Variants in PELP1 observed in about 807,000 individuals in gnomAD.
PELP1 encodes proline-, glutamic acid- and leucine-rich protein 1.
In PELP1, 32 loss-of-function variants were observed where a neutral mutation model predicts 95.5. The ratio of observed to expected loss-of-function variants is 0.34; its 90% confidence interval spans 0.25 to 0.45. The LOEUF is 0.45. PELP1 is among the 20% of genes least tolerant of loss of function. The pLI is 1.00. For synonymous variants in PELP1, 668 were observed against 600.1 expected, an observed-to-expected ratio of 1.11 and a Z score of -1.65; for missense variants, 1,358 against 1,444.8, an observed-to-expected ratio of 0.94 and a Z score of 0.97.
chr17:4,684,627 C>A (rs1054286596), intron 3 of PELP1, among the ~76,000 whole-genome samples: 2 of 6,332 alleles, frequency 3.2e-4, no homozygotes, highest in African/African-American at 3.4e-4. Context: ...GTCCCCACCA[C>A]ATGACTCTTC....
At chr17:4,696,772 A>C (rs1047364937) in intron 1 of PELP1, 1 of 152,216 alleles carries the variant, frequency 6.6e-6, no homozygotes, top group African/African-American at 2.4e-5. Context: ...GTGAAGGTAG[A>C]GCCAACGGGA....
intron 1 of PELP1, among the ~76,000 whole-genome samples, chr17:4,701,910 C>A (rs2150568439): frequency 6.6e-6 from 1 of 152,208 alleles, no homozygotes; most frequent in South Asian, 2.1e-4. Context: ...AAACAAGTAG[C>A]ACAGGAAATA....
Position 4,674,815 on chromosome 17 carries a change from G to C in PELP1, c.1416C>G (p.Ala472=). The C allele has an allele frequency of 6.2e-7, 1 of 1,611,624 alleles. No individual in the cohort carries two copies. The highest frequency in any genetic ancestry group is 2.2e-5 in the East Asian group (1 of 44,844). The stretch of plus-strand genomic sequence containing the variant: ...GGAGCTGAGGCCTCCTCACCTTAAG[G>C]GCATCAGCTGGCGGGGAGATGTCGC... ...LLSDISPPAD[A]LKLRSPRGSP... Residue 472 remains alanine, a synonymous_variant, in exon 12 of 17, where the codon GCC becomes GCG. Transcript: ENST00000572293.
At chr17:4,677,240 A>C (rs923606785) in intron 5 of PELP1, among the ~76,000 whole-genome samples, 2 of 152,174 alleles carry the variant, frequency 1.3e-5, no homozygotes, top group Non-Finnish European at 2.9e-5. Context: ...GTCAAAAAAG[A>C]AGGCTGCTAG....
intron 16 of PELP1, 54 bp from the exon 17 acceptor site, chr17:4,671,585 G>A: frequency 1.9e-6 from 3 of 1,608,976 alleles, no homozygotes; most frequent in East Asian, 2.2e-5. Flanking sequence ...ATACACAGAA[G>A]AATGGTTCAG....
chr17:4,670,884 T>C lies in PELP1; in HGVS notation c.*555A>G, dbSNP rs1912169509. The stretch of plus-strand genomic sequence containing the variant: ...CAGAGGTCATTCCCAACGTACCCAC[T>C]ACGGACACCCTTTCATCTTGGGGTA... On this transcript the variant is annotated 3_prime_UTR_variant, in exon 17 of 17. Transcript: ENST00000572293. 1 of 155,762 alleles carries C rather than the reference T, an allele frequency of 6.4e-6. No individual in the cohort carries two copies. Among genetic ancestry groups the C allele is most frequent in the Non-Finnish European group, 1.4e-5 (1 of 70,694 alleles). 9.6% of individuals were successfully genotyped at this position (155,762 alleles called of 1,614,324 possible). A position where few individuals can be genotyped will look rare whatever the true frequency, so the allele number is the denominator to read the frequency against.
intron 1 of PELP1, among the ~76,000 whole-genome samples, chr17:4,699,275 G>C (rs1913426104): frequency 6.6e-6 from 1 of 152,052 alleles, no homozygotes; most frequent in Non-Finnish European, 1.5e-5. Context: ...GCTACTTTGG[G>C]AGGCTGAGAC....
Position 4,673,500 on chromosome 17 carries a change from C to G in PELP1, c.1639-44G>C. The G allele has an allele frequency of 6.4e-7, 1 of 1,566,322 alleles. No individual in the cohort carries two copies. The highest frequency in any genetic ancestry group is 8.7e-7 in the Non-Finnish European group (1 of 1,143,890). ...ACCTGGAAACATCCCCAAGACCACCCAACCCTTCTCCAGAGCCTACTCCCA... is the reference window on the plus strand; with the variant it reads ...ACCTGGAAACATCCCCAAGACCACCGAACCCTTCTCCAGAGCCTACTCCCA... On this transcript the variant is annotated intron_variant, in intron 14 of 16. Coordinates refer to ENST00000572293, the MANE Select transcript of PELP1 (RefSeq NM_014389.3). The surrounding 1 kb of genome is among the most constrained non-coding windows in gnomAD (Gnocchi z 5.7).
In PELP1 at chr17:4,672,135, C is replaced by T. The variant is rs1325709809; in HGVS notation, c.2856G>A (p.Glu952=). The T allele has an allele frequency of 2.6e-6, 4 of 1,552,136 alleles. No individual in the cohort carries two copies. The highest frequency in any genetic ancestry group is 3.5e-6 in the Non-Finnish European group (4 of 1,147,428). The change falls in exon 16 of 17, where the codon GAG becomes GAA. Residue 952 remains glutamate (E), a synonymous_variant. Transcript: ENST00000572293. ...LEEEEEEEDE[E]EEEELEEVED... is the part of the protein sequence containing the mutation. ...CCACCTCTTCCAGTTCTTCTTCCTCCTCCTCATCCTCCTCTTCTTCTTCTT... is the reference window on the plus strand; with the variant it reads ...CCACCTCTTCCAGTTCTTCTTCCTCTTCCTCATCCTCCTCTTCTTCTTCTT...
At position 4,675,877 on chromosome 17, in the gene PELP1, A is replaced by C. The variant is rs1912446780; in HGVS notation, c.988T>G (p.Phe330Val). ...RCLGLMLSSEFGAPVSVPVQE... is the reference protein window; with the variant it reads ...RCLGLMLSSEVGAPVSVPVQE... ...ACAGGGACGGACACGGGAGCTCCAA[A>C]CTCAGAGCTAAAGAGAATCAGAGCA... Residue 330 changes from phenylalanine (F) to valine (V), a missense_variant, in exon 9 of 17, where the codon TTT (phenylalanine) becomes GTT (valine). By Grantham distance (50) the Phe-to-Val change is conservative (BLOSUM62 -1). This residue lies in a region of PELP1 where 538 missense variants were observed against 628.1 expected (regional missense o/e 0.86). Transcript: ENST00000572293. This position sits in a 1 kb window ranked among gnomAD's most constrained non-coding sequence, Gnocchi z 4.3. 6.3e-7 allele frequency: 1 copy of C among 1,591,026 alleles called. No homozygotes were observed. Among genetic ancestry groups the C allele is most frequent in the Non-Finnish European group, 8.6e-7 (1 of 1,168,658 alleles).
Position 4,673,391 on chromosome 17 carries a change from G to A in PELP1, c.1704C>T (p.Ser568=). The change falls in exon 15 of 17, where the codon TCC becomes TCT. Residue 568 remains serine (S), a synonymous_variant. Transcript: ENST00000572293. This position sits in a 1 kb window ranked among gnomAD's most constrained non-coding sequence, Gnocchi z 5.7. ...GVQQGEVLGS[S]PYTSSRCRRE... is the part of the protein sequence containing the mutation. ...GGCGGCAGCGGGAGCTCGTGTACGGGGAGCTGCCTAGGACCTCACCCTGCT... is the reference window on the plus strand; with the variant it reads ...GGCGGCAGCGGGAGCTCGTGTACGGAGAGCTGCCTAGGACCTCACCCTGCT... 6.3e-7 allele frequency: 1 copy of A among 1,597,578 alleles called. No homozygotes were observed. The highest frequency in any genetic ancestry group is 2.3e-5 in the East Asian group (1 of 44,000).
intron 11 of PELP1, 42 bp from the exon 12 acceptor site, chr17:4,674,998 A>G: frequency 1.2e-6 from 2 of 1,605,728 alleles, no homozygotes; most frequent in Non-Finnish European, 1.7e-6. Context: ...TGGGGGGTCA[A>G]CATGCCAGAA....
chr17:4,671,495 T>C lies in PELP1; in HGVS notation c.3337A>G (p.Ile1113Val). The C allele has an allele frequency of 6.2e-7, 1 of 1,613,544 alleles. No individual in the cohort carries two copies. The highest frequency in any genetic ancestry group is 1.6e-4 in the Middle Eastern group (1 of 6,062). ...TTCTCATCATCAGGGGGACAATCGATGAAGTCGGCCAGCATGGCAGCTGTG... is the reference window on the plus strand; with the variant it reads ...TTCTCATCATCAGGGGGACAATCGACGAAGTCGGCCAGCATGGCAGCTGTG... ...DDTAAMLADF[I>V]DCPPDDEKPP... is the part of the protein sequence containing the mutation. Residue 1113 changes from isoleucine (I) to valine (V), a missense_variant, in exon 17 of 17, where the codon ATC becomes GTC. Ile to Val is a conservative substitution (Grantham distance 29). This residue lies in a region of PELP1 where 283 missense variants were observed against 284.1 expected (regional missense o/e 1.00). Coordinates refer to ENST00000572293, the MANE Select transcript of PELP1 (RefSeq NM_014389.3).
intron 7 of PELP1, 47 bp from the exon 8 acceptor site, chr17:4,676,209 T>C (rs1447004774): frequency 1.9e-6 from 3 of 1,603,570 alleles, no homozygotes; most frequent in Non-Finnish European, 2.6e-6. Context: ...TTCCATCCCC[T>C]CCTCTGTCAT....
chr17:4,690,404 G>A (rs1311116532), intron 3 of PELP1, among the ~76,000 whole-genome samples: 1 of 152,002 alleles, frequency 6.6e-6, no homozygotes, highest in Admixed American at 6.6e-5. Flanking sequence ...AACACCACCT[G>A]TTCCCCAAAA....
At position 4,672,790 on chromosome 17, in the gene PELP1, G is replaced by A. The variant is rs1912281335; in HGVS notation, c.2201C>T (p.Ser734Leu). The change falls in exon 16 of 17, where the codon TCA (serine) becomes TTA (leucine). Residue 734 changes from serine (S) to leucine (L), a missense_variant. Physicochemically the swap from Ser to Leu is moderately radical, Grantham distance 145 (BLOSUM62 -2). This residue lies in a region of PELP1 where 340 missense variants were observed against 322.9 expected (regional missense o/e 1.05). Transcript: ENST00000572293. ...LPGPENHRAGSNEDPILAPSG... is the reference protein window; with the variant it reads ...LPGPENHRAGLNEDPILAPSG... ...AGGGGCAAGGATGGGGTCCTCATTT[G>A]AGCCTGCCCGGTGGTTCTCAGGGCC... The A allele has an allele frequency of 6.2e-7, 1 of 1,613,802 alleles. No homozygotes were observed. Among genetic ancestry groups the A allele is most frequent in the Admixed American group, 1.7e-5 (1 of 59,992 alleles).
Position 4,671,460 on chromosome 17 carries a change from A to G in PELP1, c.3372T>C (p.Pro1124=), listed in dbSNP as rs749173002. ...ATGGCTAGGAGTCAGGCTCTGTGGGAGGTGGTGGCTTCTCATCATCAGGGG... is the reference window on the plus strand; with the variant it reads ...ATGGCTAGGAGTCAGGCTCTGTGGGGGGTGGTGGCTTCTCATCATCAGGGG... ...DCPPDDEKPP[P]PTEPDS Residue 1124 remains proline, a synonymous_variant, in exon 17 of 17, where the codon CCT becomes CCC. Transcript: ENST00000572293. 1.3e-5 allele frequency: 20 copies of G among 1,565,252 alleles called. No homozygotes were observed. The East Asian group carries it at 3.8e-4, about 30-fold the overall frequency.
intron 5 of PELP1, among the ~76,000 whole-genome samples, chr17:4,681,597 C>T (rs188971494): frequency 5.3e-5 from 8 of 151,800 alleles, no homozygotes; most frequent in East Asian, 1.9e-4. Context: ...GTCAAGAGAT[C>T]GAGACCATCC....
In PELP1 at chr17:4,703,835, G is replaced by A. The variant is rs1245582532; in HGVS notation, c.249+28C>T. ...GGTGCCGCGCCATCCTCCCCACAGG[G>A]CCGCGGGCACGCGGGCCACGGACTC... On this transcript the variant is annotated intron_variant, in intron 1 of 16. Coordinates refer to ENST00000572293, the MANE Select transcript of PELP1 (RefSeq NM_014389.3). The A allele has an allele frequency of 2.5e-6, 4 of 1,586,766 alleles. No homozygotes were observed. The African/African-American group carries it at 5.4e-5, about 21-fold the overall frequency.
Sources: gnomAD v4.1 joint callset for allele counts (sites outside exome capture counted in the v4.1 genomes callset) on GRCh38, gnomAD v4.1.1 for gene constraint, gnomAD v4.1.1 regional missense constraint, Gnocchi (gnomAD v3.1) non-coding constraint, MANE v1.5 for transcripts, NCBI Gene and HGNC (gene_info 2026-07-23, HGNC 2026-07-21) for gene names.